PLSCR1: variants seen among roughly 807,000 people sequenced by gnomAD.
PLSCR1 encodes phospholipid scramblase 1.
PLSCR1 carries 17 observed loss-of-function variants against 37.8 expected under a neutral mutation model. The observed-to-expected ratio is 0.45, with a 90% CI of 0.31 to 0.68. The LOEUF is 0.68. Ranked by LOEUF, PLSCR1 falls within the 30% of genes least tolerant of loss-of-function variation. The pLI, the probability that PLSCR1 is intolerant of heterozygous loss-of-function variation, is 0.06. For missense variants in PLSCR1, 347 were observed against 380.9 expected, an observed-to-expected ratio of 0.91 and a Z score of 0.74; for synonymous variants, 116 against 125.9, an observed-to-expected ratio of 0.92 and a Z score of 0.53.
chr3:146,536,463 A>G (rs1201528767), intron 2 of PLSCR1, 77 bp downstream of exon 2: 23 of 843,666 alleles, frequency 2.7e-5, no homozygotes. Flanking sequence ...ACTGAATAAA[A>G]CATTATGACA....
At chr3:146,531,174 A>T (rs918334491) in intron 3 of PLSCR1, among the ~76,000 whole-genome samples, 4 of 152,202 alleles carry the variant, frequency 2.6e-5, no homozygotes, top group African/African-American at 7.2e-5. Context: ...GATGCACAGG[A>T]GTTCAGGAGG....
intron 1 of PLSCR1, among the ~76,000 whole-genome samples, chr3:146,542,998 T>C (rs996830209): frequency 6.6e-6 from 1 of 152,030 alleles, no homozygotes; most frequent in African/African-American, 2.4e-5. Context: ...CTAACTTAGA[T>C]GGTGGTAGGG....
intron 2 of PLSCR1, among the ~76,000 whole-genome samples, chr3:146,536,124 G>A (rs975802892): frequency 1.3e-5 from 2 of 152,074 alleles, no homozygotes; most frequent in Non-Finnish European, 2.9e-5. Flanking sequence ...ATACAAACAT[G>A]TGTCTGTGAT....
At chr3:146,516,160 C>A in intron 8 of PLSCR1, 59 bp from the exon 9 acceptor site, 1 of 1,044,702 alleles carries the variant, frequency 9.6e-7, no homozygotes, top group South Asian at 1.4e-5. Flanking sequence ...GATCAATTAT[C>A]AGATGCAGAA....
rs753655225 is a variant in PLSCR1, at chr3:146,522,023, T to C, written c.386A>G (p.Tyr129Cys). The C allele has an allele frequency of 6.2e-6, 10 of 1,608,034 alleles. No homozygotes were observed. The highest frequency in any genetic ancestry group is 7.7e-6 in the Non-Finnish European group (9 of 1,174,408). Residue 129 changes from tyrosine (Y) to cysteine (C), a missense_variant, in exon 6 of 9, where the codon TAT becomes TGT. Physicochemically the swap from Tyr to Cys is radical, Grantham distance 194. Transcript: ENST00000342435. ...CTGTCCAAAGCTGTTCTTAATTTCA[T>C]ATTTGTTATTAGTTTCAAAACCTGT... is the stretch of plus-strand genomic sequence containing the variant. The part of the protein sequence containing the change: ...VLTGFETNNK[Y>C]EIKNSFGQRV...
At chr3:146,533,591 A>C in intron 2 of PLSCR1, 41 bp from the exon 3 acceptor site, 1 of 1,133,496 alleles carries the variant, frequency 8.8e-7, no homozygotes, top group South Asian at 1.3e-5. Context: ...TGATTAAATA[A>C]AATATATATT....
At chr3:146,537,756 A>G (rs1214547976) in intron 1 of PLSCR1, among the ~76,000 whole-genome samples, 4 of 152,082 alleles carry the variant, frequency 2.6e-5, no homozygotes, top group Admixed American at 2.0e-4. Flanking sequence ...TGTAGTCCCA[A>G]CTACTCGGGA....
intron 2 of PLSCR1, among the ~76,000 whole-genome samples, chr3:146,536,282 A>G (rs2044263353): frequency 6.6e-6 from 1 of 152,214 alleles, no homozygotes; most frequent in Non-Finnish European, 1.5e-5. Flanking sequence ...GTTACAGAAC[A>G]TATTTCCCAA....
At chr3:146,535,818 G>A (rs970514524) in intron 2 of PLSCR1, among the ~76,000 whole-genome samples, 23 of 152,134 alleles carry the variant, frequency 1.5e-4, no homozygotes, top group African/African-American at 5.3e-4. Context: ...TAGTCCTGGA[G>A]ATTATTTCAT....
chr3:146,517,055 T>C lies in PLSCR1; in HGVS notation c.851A>G (p.Asp284Gly), dbSNP rs2043956661. The C allele has an allele frequency of 6.2e-7, 1 of 1,605,114 alleles. No homozygotes were observed. The highest frequency in any genetic ancestry group is 8.5e-7 in the Non-Finnish European group (1 of 1,175,050). The change falls in exon 8 of 9, where the codon GAC (aspartate) becomes GGC (glycine). Residue 284 changes from aspartate (D) to glycine (G), a missense_variant. Transcript: ENST00000342435. The part of the protein sequence containing the change: ...ADNFGIQFPL[D>G]LDVKMKAVMI... ...TACAGCTTTCATTTTAACATCAAGG[T>C]CTAAAGGGAACTGGATTCCAAAGTT...
At chr3:146,530,003 T>C (rs974479447) in intron 3 of PLSCR1, among the ~76,000 whole-genome samples, 1 of 152,218 alleles carries the variant, frequency 6.6e-6, no homozygotes, top group Non-Finnish European at 1.5e-5. Context: ...AAATATAATT[T>C]GAGAAACAAG....
At chr3:146,524,389 C>G (rs1706621567) in intron 5 of PLSCR1, among the ~76,000 whole-genome samples, 1 of 151,142 alleles carries the variant, frequency 6.6e-6, no homozygotes, top group Non-Finnish European at 1.5e-5. Flanking sequence ...TTTTATACCA[C>G]TCATGAAAAA....
intron 1 of PLSCR1, among the ~76,000 whole-genome samples, chr3:146,542,323 G>A (rs2044347518): frequency 6.6e-6 from 1 of 152,032 alleles, no homozygotes; most frequent in Non-Finnish European, 1.5e-5. Context: ...TAGTTGATTT[G>A]AGACTTCCCT....
Position 146,517,069 on chromosome 3 carries a change from G to C in PLSCR1, c.837C>G (p.Ile279Met), listed in dbSNP as rs377240309. The change falls in exon 8 of 9, where the codon ATC becomes ATG. Residue 279 changes from isoleucine to methionine, a missense_variant. Ile to Met is a conservative substitution (Grantham distance 10). Transcript: ENST00000342435. The stretch of plus-strand genomic sequence containing the variant: ...TAACATCAAGGTCTAAAGGGAACTG[G>C]ATTCCAAAGTTATCAGCGTCTGTAA... Reference protein sequence around the residue: ...EAFTDADNFGIQFPLDLDVKM... With the variant: ...EAFTDADNFGMQFPLDLDVKM... 6 of 1,603,202 alleles carry C rather than the reference G, an allele frequency of 3.7e-6. No homozygotes were observed. The highest frequency in any genetic ancestry group is 4.3e-6 in the Non-Finnish European group (5 of 1,174,124).
intron 4 of PLSCR1, 121 bp downstream of exon 4, chr3:146,528,493 G>A (rs778482699): frequency 2.6e-6 from 2 of 773,252 alleles, no homozygotes; most frequent in Admixed American, 4.2e-5. Context: ...AGAGTAATCT[G>A]TTAGCAGAAA....
At chr3:146,531,481 T>C (rs1035730039) in intron 3 of PLSCR1, among the ~76,000 whole-genome samples, 4 of 152,206 alleles carry the variant, frequency 2.6e-5, no homozygotes, top group Admixed American at 2.0e-4. Flanking sequence ...AGTGGGGATA[T>C]GGAGATGTGA....
chr3:146,531,110 G>T (rs2044192070), intron 3 of PLSCR1, among the ~76,000 whole-genome samples: 2 of 152,212 alleles, frequency 1.3e-5, no homozygotes. Context: ...AGAGAAAAAG[G>T]GAAGGAGCAG....
chr3:146,534,446 T>G (rs1031050439), intron 2 of PLSCR1, among the ~76,000 whole-genome samples: 3 of 152,190 alleles, frequency 2.0e-5, no homozygotes, highest in Non-Finnish European at 2.9e-5. Context: ...GAAGAACATA[T>G]AGGTCAAACT....
intron 5 of PLSCR1, among the ~76,000 whole-genome samples, chr3:146,523,759 A>T (rs1168792977): frequency 6.6e-6 from 1 of 152,210 alleles, no homozygotes; most frequent in Non-Finnish European, 1.5e-5. Flanking sequence ...GATGGCTGCA[A>T]AATGCTGACA....
Sources: allele counts gnomAD v4.1 joint callset (sites outside exome capture counted in the v4.1 genomes callset), GRCh38; gene constraint gnomAD v4.1.1; transcripts MANE v1.5; gene names NCBI Gene and HGNC (gene_info 2026-07-23, HGNC 2026-07-21).